RNGTT: variants seen among roughly 807,000 people sequenced by gnomAD.
The protein encoded by RNGTT is mRNA-capping enzyme.
Under a neutral mutation model 79.3 loss-of-function variants are expected in RNGTT, and 33 were observed. The ratio of observed to expected loss-of-function variants is 0.42; its 90% confidence interval spans 0.32 to 0.56. The LOEUF is 0.56. RNGTT is among the 20% of genes least tolerant of loss of function. RNGTT has a pLI of 0.17. For missense variants in RNGTT, 497 were observed against 739.1 expected (o/e 0.67, Z 3.80); for synonymous variants, 222 against 235.9 (o/e 0.94, Z 0.54).
At chr6:88,836,145 T>A (rs371567528) in intron 11 of RNGTT, among the ~76,000 whole-genome samples, 1 of 150,246 alleles carries the variant, frequency 6.7e-6, no homozygotes, top group South Asian at 2.1e-4. Flanking sequence ...AATCTTTAGG[T>A]TCACCATATG....
chr6:88,777,338 T>C (rs1582449021), intron 12 of RNGTT, among the ~76,000 whole-genome samples: 1 of 152,160 alleles, frequency 6.6e-6, no homozygotes, highest in Non-Finnish European at 1.5e-5. Flanking sequence ...GGGTTTTTAG[T>C]CCCCTACAAA....
In RNGTT at chr6:88,858,995, C is replaced by CT. The variant is rs200183870; in HGVS notation, c.897-5232dup. Among the ~76,000 whole-genome samples the CT allele has an allele frequency of 6.3e-4, 92 of 146,932 alleles. 1 individual carries two copies. The South Asian group carries it at 9.5e-3, about 15-fold the overall frequency. On this transcript the variant is annotated intron_variant, in intron 8 of 15. Transcript: ENST00000369485. ...AACAGACAAATAGGAATTATGAAAA[C>CT]TTTTTTTTTTTTCTGAGACAGGATC...
At chr6:88,874,721 T>A (rs768783768) in intron 8 of RNGTT, among the ~76,000 whole-genome samples, 32 of 151,900 alleles carry the variant, frequency 2.1e-4, no homozygotes, top group Non-Finnish European at 4.3e-4. Context: ...ACTGCTGAGA[T>A]GGGTCAAAGC....
chr6:88,786,862 T>G (rs1193742445), intron 12 of RNGTT, among the ~76,000 whole-genome samples: 5 of 152,170 alleles, frequency 3.3e-5, no homozygotes, highest in African/African-American at 9.6e-5. Context: ...GTGGGACCTT[T>G]GGGAGGTGAT....
At chr6:88,674,115 G>A (rs184129358) in intron 14 of RNGTT, among the ~76,000 whole-genome samples, 1 of 149,838 alleles carries the variant, frequency 6.7e-6, no homozygotes, top group Admixed American at 6.6e-5. Flanking sequence ...TAAGGAACTA[G>A]AAAAGTCAAG....
At chr6:88,811,418 A>G (rs1780133668) in intron 11 of RNGTT, among the ~76,000 whole-genome samples, 1 of 152,206 alleles carries the variant, frequency 6.6e-6, no homozygotes, top group Non-Finnish European at 1.5e-5. Context: ...TGGACCAAAG[A>G]TTGGAGGAAC....
At chr6:88,733,789 G>T (rs1167232417) in intron 13 of RNGTT, among the ~76,000 whole-genome samples, 1 of 150,814 alleles carries the variant, frequency 6.6e-6, no homozygotes, top group Non-Finnish European at 1.5e-5. Flanking sequence ...CAAACAAGAA[G>T]ACAGTGTCTT....
chr6:88,702,518 T>C (rs1460109984), intron 13 of RNGTT, among the ~76,000 whole-genome samples: 1 of 152,164 alleles, frequency 6.6e-6, no homozygotes, highest in African/African-American at 2.4e-5. Flanking sequence ...TGCAGAAGAA[T>C]GAAACTAGAC....
chr6:88,740,277 G>T lies in RNGTT; in HGVS notation c.1439+29497C>A, dbSNP rs115184675. ...TCATGCCTTTAATCCTAGCACTTTG[G>T]GGGGGCCGAGGCAGGAGAATCGCTT... On this transcript the variant is annotated intron_variant, in intron 13 of 15. Coordinates refer to ENST00000369485, the MANE Select transcript of RNGTT (RefSeq NM_003800.5). 8.9e-3 allele frequency among the ~76,000 whole-genome samples: 1,361 copies of T among 152,188 alleles called. 20 individuals carry two copies. The highest frequency in any genetic ancestry group is 0.03 in the African/African-American group (1,258 of 41,544).
At chr6:88,936,046 T>C (rs1467781345) in intron 2 of RNGTT, among the ~76,000 whole-genome samples, 2 of 152,180 alleles carry the variant, frequency 1.3e-5, no homozygotes, top group Non-Finnish European at 2.9e-5. Context: ...CAGCCTCCTG[T>C]GTAGGTGGAA....
chr6:88,962,071 G>A (rs1040805545), intron 1 of RNGTT, among the ~76,000 whole-genome samples: 4 of 152,228 alleles, frequency 2.6e-5, no homozygotes, highest in African/African-American at 7.2e-5. Flanking sequence ...ACCCCAAGAA[G>A]AGTACTCACT....
intron 4 of RNGTT, among the ~76,000 whole-genome samples, chr6:88,919,760 A>G (rs1324691102): frequency 1.1e-5 from 1 of 92,888 alleles, no homozygotes; most frequent in South Asian, 3.2e-4. Flanking sequence ...CTTTTTGCCC[A>G]GGCTGGAGTG....
At chr6:88,675,443 C>G (rs948944782) in intron 14 of RNGTT, among the ~76,000 whole-genome samples, 8 of 152,168 alleles carry the variant, frequency 5.3e-5, no homozygotes, top group Middle Eastern at 3.4e-3. Flanking sequence ...TGTAATCCTA[C>G]TACTTTGGGA....
intron 14 of RNGTT, among the ~76,000 whole-genome samples, chr6:88,657,026 T>C (rs1193138001): frequency 6.6e-6 from 1 of 152,110 alleles, no homozygotes; most frequent in Admixed American, 6.5e-5. Flanking sequence ...AGACAGGACT[T>C]ATGTGTATCT....
intron 13 of RNGTT, among the ~76,000 whole-genome samples, chr6:88,679,886 AAAG>A (rs1191620382): frequency 2.0e-5 from 3 of 152,202 alleles, no homozygotes; most frequent in Non-Finnish European, 4.4e-5. Context: ...GATTACACAT[AAAG>A]AAGAAGAAAA....
rs1783849160 is a variant in RNGTT, at chr6:88,912,204, AC to A, written c.368-5765del. 2.0e-5 allele frequency among the ~76,000 whole-genome samples: 3 copies of A among 151,964 alleles called. No homozygotes were observed. The South Asian group carries it at 6.3e-4, about 32-fold the overall frequency. ...GATCACCTGAGCCCAAGAGTTCAAG[AC>A]CAGCCTGGGCAATAAAGCAGGACCC... On this transcript the variant is annotated intron_variant, in intron 4 of 15. Coordinates refer to ENST00000369485, the MANE Select transcript of RNGTT (RefSeq NM_003800.5).
At chr6:88,798,166 A>G (rs2127860454) in intron 12 of RNGTT, among the ~76,000 whole-genome samples, 1 of 152,204 alleles carries the variant, frequency 6.6e-6, no homozygotes, top group East Asian at 1.9e-4. Flanking sequence ...TTCTGAATAT[A>G]AAAAATGAGA....
intron 12 of RNGTT, among the ~76,000 whole-genome samples, chr6:88,791,207 C>T (rs926836289): frequency 2.7e-5 from 4 of 149,118 alleles, no homozygotes; most frequent in Non-Finnish European, 5.9e-5. Flanking sequence ...TGCAGTGCCA[C>T]GATCACAGTT....
chr6:88,749,385 A>C (rs1186681452), intron 13 of RNGTT, among the ~76,000 whole-genome samples: 1 of 152,176 alleles, frequency 6.6e-6, no homozygotes, highest in Non-Finnish European at 1.5e-5. Context: ...CTTTAGATTT[A>C]AAGAGTTAGA....
Sources: gnomAD v4.1 joint callset for allele counts (sites outside exome capture counted in the v4.1 genomes callset) on GRCh38, gnomAD v4.1.1 for gene constraint, MANE v1.5 for transcripts, NCBI Gene and HGNC (gene_info 2026-07-23, HGNC 2026-07-21) for gene names.